ZNF439: variants seen among roughly 807,000 people sequenced by gnomAD.
ZNF439 encodes the protein zinc finger protein 439.
In ZNF439, 40 loss-of-function variants were observed where a neutral mutation model predicts 47.3. That is an observed-to-expected ratio of 0.85 (90% CI 0.66 to 1.10). The LOEUF (loss-of-function observed/expected upper bound fraction) is 1.10. Among genes scored for constraint, ZNF439 ranks in the 50% least tolerant of loss-of-function variants. The pLI is 0.00. For synonymous variants in ZNF439, 171 were observed against 198.8 expected (o/e 0.86, Z 1.18); for missense variants, 556 against 601.1 (o/e 0.93, Z 0.78).
intron 1 of ZNF439, among the ~76,000 whole-genome samples, chr19:11,864,410 ACCTCAG>A (rs985459839): frequency 6.6e-6 from 1 of 152,018 alleles, no homozygotes; most frequent in African/African-American, 2.4e-5. Context: ...GGATTCTCCC[ACCTCAG>A]CCTTCCAAGT....
rs1010439299 is a variant in ZNF439 at position 11,868,826 on chromosome 19, G to T, written c.*257G>T. On this transcript the variant is annotated 3_prime_UTR_variant, in exon 4 of 4. Coordinates refer to ENST00000682736, the MANE Select transcript of ZNF439 (RefSeq NM_001348719.2). ...CTGGAGAGAAACCCTATGAATGTAA[G>T]AAATGTGGAAAAGCGTTCCATAATT... 3.7e-6 allele frequency: 2 copies of T among 542,598 alleles called. No homozygotes were observed. The highest frequency in any genetic ancestry group is 3.0e-5 in the Admixed American group (1 of 33,498). The allele number at this position is 542,598 out of a possible 1,614,324, so 33.6% of individuals were successfully genotyped here. A position where few individuals can be genotyped will look rare whatever the true frequency, so the allele number is the denominator to read the frequency against.
chr19:11,849,057 C>A, intron 1 of ZNF439, 127 bp downstream of exon 1: 2 of 1,229,302 alleles, frequency 1.6e-6, no homozygotes, highest in African/African-American at 1.6e-5. Flanking sequence ...GGCCCTCGGT[C>A]CCCGCGGCCG....
chr19:11,866,023 TAA>T (rs111347788), intron 1 of ZNF439, 180 bp from the exon 2 acceptor site: 62,713 of 1,193,788 alleles, frequency 0.053, 4,540 homozygotes, highest in African/African-American at 0.33. Flanking sequence ...CTCAAAAAAA[TAA>T]AAAAAAAAAT....
In ZNF439 at chr19:11,860,877, A is replaced by G. The variant is rs138833339; in HGVS notation, c.64-5328A>G. Among the ~76,000 whole-genome samples the G allele has an allele frequency of 2.2e-3, 333 of 152,328 alleles. 2 individuals are homozygous for G. Among genetic ancestry groups the G allele is most frequent in the African/African-American group, 7.9e-3 (328 of 41,578 alleles). ...GTACCTTCTGGCGGCAGGTGCAGAC[A>G]CGAGTTTGCCCACATTCTGCATTGA... On this transcript the variant is annotated intron_variant, in intron 1 of 3. Coordinates refer to ENST00000682736, the MANE Select transcript of ZNF439 (RefSeq NM_001348719.2).
At position 11,868,395 on chromosome 19, in the gene ZNF439, A is replaced by G; in HGVS notation, c.1341A>G (p.Glu447=). 6.2e-7 allele frequency: 1 copy of G among 1,613,704 alleles called. No homozygotes were observed. Among genetic ancestry groups the G allele is most frequent in the Non-Finnish European group, 8.5e-7 (1 of 1,179,844 alleles). The change falls in exon 4 of 4, where the codon GAA becomes GAG. Residue 447 remains glutamate (E), a synonymous_variant. Coordinates refer to ENST00000682736, the MANE Select transcript of ZNF439 (RefSeq NM_001348719.2). ...HTGEKPYQCK[E]CGKAFRSASQ... is the part of the protein sequence containing the mutation. The stretch of plus-strand genomic sequence containing the variant: ...GAGAGAAACCGTATCAATGTAAGGA[A>G]TGTGGGAAAGCTTTCAGATCTGCCT...
At position 11,866,409 on chromosome 19, in the gene ZNF439, G is replaced by A. The variant is rs1173062623; in HGVS notation, c.190+78G>A. 12 of 1,606,828 alleles carry A rather than the reference G, an allele frequency of 7.5e-6. No individual in the cohort carries two copies. The East Asian group carries it at 2.5e-4, about 33-fold the overall frequency. On this transcript the variant is annotated intron_variant, in intron 2 of 3. Coordinates refer to ENST00000682736, the MANE Select transcript of ZNF439 (RefSeq NM_001348719.2). ...GCTCACCAATGCTGTTGAGTGATTTGGAACACAGACAGGAAATACTTTGAT... is the reference window on the plus strand; with the variant it reads ...GCTCACCAATGCTGTTGAGTGATTTAGAACACAGACAGGAAATACTTTGAT...
intron 1 of ZNF439, among the ~76,000 whole-genome samples, chr19:11,861,014 C>T (rs558568009): frequency 1.3e-5 from 2 of 152,302 alleles, no homozygotes; most frequent in South Asian, 2.1e-4. Context: ...ACACTACACA[C>T]GGTTCGGCCT....
intron 1 of ZNF439, chr19:11,849,636 A>C (rs910641155): frequency 5.2e-5 from 8 of 152,406 alleles, no homozygotes; most frequent in Non-Finnish European, 1.0e-4. Flanking sequence ...TAGGAGGCAC[A>C]GGTGGTTGAG....
chr19:11,862,290 G>A (rs534653506), intron 1 of ZNF439, among the ~76,000 whole-genome samples: 1 of 152,186 alleles, frequency 6.6e-6, no homozygotes, highest in East Asian at 1.9e-4. Context: ...CTATTGAAAG[G>A]CTCATCTTGA....
chr19:11,852,439 C>T (rs1443999598), intron 1 of ZNF439, among the ~76,000 whole-genome samples: 1 of 152,142 alleles, frequency 6.6e-6, no homozygotes, highest in Non-Finnish European at 1.5e-5. Flanking sequence ...GTGACTCAAC[C>T]CCATGATCAC....
chr19:11,859,519 G>T (rs78796605), intron 1 of ZNF439, among the ~76,000 whole-genome samples: 4 of 152,282 alleles, frequency 2.6e-5, no homozygotes, highest in Non-Finnish European at 1.5e-5. Context: ...GGTATAAGGC[G>T]CATAGCACCA....
chr19:11,866,731 A>G (rs1246082757), intron 3 of ZNF439, 134 bp downstream of exon 3: 2 of 966,950 alleles, frequency 2.1e-6, no homozygotes, highest in East Asian at 2.9e-5. Context: ...TTATCTAAAA[A>G]TATATATTTA....
chr19:11,868,489 G>A lies in ZNF439; in HGVS notation c.1435G>A (p.Ala479Thr), dbSNP rs760787401. ...KPYECKKCGK[A>T]FRYVQNFRFH... The stretch of plus-strand genomic sequence containing the variant: ...CTATGAATGTAAGAAATGTGGGAAA[G>A]CCTTCAGATATGTCCAGAACTTTCG... The change falls in exon 4 of 4, where the codon GCC becomes ACC. Residue 479 changes from alanine (A) to threonine (T), a missense_variant. Physicochemically the swap from Ala to Thr is moderately conservative, Grantham distance 58 (BLOSUM62 0). Coordinates refer to ENST00000682736, the MANE Select transcript of ZNF439 (RefSeq NM_001348719.2). 6.2e-7 allele frequency: 1 copy of A among 1,613,576 alleles called. No homozygotes were observed. The highest frequency in any genetic ancestry group is 1.3e-5 in the African/African-American group (1 of 74,904).
intron 1 of ZNF439, among the ~76,000 whole-genome samples, chr19:11,855,235 C>T (rs1489319269): frequency 6.6e-6 from 1 of 152,134 alleles, no homozygotes; most frequent in Non-Finnish European, 1.5e-5. Context: ...TGTAGTTGAC[C>T]TTTAGGTCCC....
chr19:11,852,363 A>T (rs1976271070), intron 1 of ZNF439, among the ~76,000 whole-genome samples: 1 of 152,236 alleles, frequency 6.6e-6, no homozygotes, highest in African/African-American at 2.4e-5. Context: ...TATAGGTAAG[A>T]AGGAAGGCGA....
In ZNF439 at chr19:11,867,565, G is replaced by GAT. The variant is rs1976724757; in HGVS notation, c.511_512insAT (p.Ala171AspfsTer9). Reference sequence around the variant, plus strand: ...ATGGAAGAGTCAACAACCTAAAAAAGCCTTCAGATATCACCCCTCCTTGAG... The same window carrying GAT: ...ATGGAAGAGTCAACAACCTAAAAAAGATCCTTCAGATATCACCCCTCCTTGAG... On this transcript the variant is annotated frameshift_variant, in exon 4 of 4. Coordinates refer to ENST00000682736, the MANE Select transcript of ZNF439 (RefSeq NM_001348719.2). LOFTEE classifies it high-confidence loss of function. 6 of 1,613,974 alleles carry GAT rather than the reference G, an allele frequency of 3.7e-6. No individual in the cohort carries two copies. In the African/African-American group the frequency reaches 6.7e-5, roughly 18 times the overall value.
chr19:11,867,848 A>G lies in ZNF439; in HGVS notation c.794A>G (p.His265Arg). Residue 265 changes from histidine (H) to arginine (R), a missense_variant, in exon 4 of 4, where the codon CAT becomes CGT. Physicochemically the swap from His to Arg is conservative, Grantham distance 29. Transcript: ENST00000682736. ...AGTTATTCTGCTACCCATCGAATAC[A>G]TGAAAGAACTCACATTGGAGAAAAG... is the stretch of plus-strand genomic sequence containing the variant. ...SFSYSATHRIHERTHIGEKPY... is the reference protein window; with the variant it reads ...SFSYSATHRIRERTHIGEKPY... 1.2e-6 allele frequency: 2 copies of G among 1,613,994 alleles called. No individual in the cohort carries two copies. Among genetic ancestry groups the G allele is most frequent in the South Asian group, 1.1e-5 (1 of 91,082 alleles).
chr19:11,866,230 C>T lies in ZNF439; in HGVS notation c.89C>T (p.Ala30Val). Residue 30 changes from alanine to valine, a missense_variant, in exon 2 of 4, where the codon GCT (alanine) becomes GTT (valine). Coordinates refer to ENST00000682736, the MANE Select transcript of ZNF439 (RefSeq NM_001348719.2). ...GACCCAGTGGCTTTTAAGGATGTGG[C>T]TGTGAACTTCACCCAGGAGGAGTGG... is the stretch of plus-strand genomic sequence containing the variant. ...EMDPVAFKDV[A>V]VNFTQEEWAL... 6.2e-7 allele frequency: 1 copy of T among 1,614,160 alleles called. No individual in the cohort carries two copies. Among genetic ancestry groups the T allele is most frequent in the East Asian group, 2.2e-5 (1 of 44,880 alleles).
At chr19:11,865,950 C>G (rs1230330659) in intron 1 of ZNF439, 19 of 1,136,734 alleles carry the variant, frequency 1.7e-5, no homozygotes, top group Non-Finnish European at 2.0e-5. Flanking sequence ...GCACTTGAAC[C>G]CCGGCAGTGA....
Sources: allele counts gnomAD v4.1 joint callset (sites outside exome capture counted in the v4.1 genomes callset), GRCh38; gene constraint gnomAD v4.1.1; transcripts MANE v1.5; gene names NCBI Gene and HGNC (gene_info 2026-07-23, HGNC 2026-07-21).